SPG11: variants seen among roughly 807,000 people sequenced by gnomAD.
SPG11 encodes the protein spatacsin.
SPG11 carries 222 observed loss-of-function variants against 274.0 expected under a neutral mutation model. That is an observed-to-expected ratio of 0.81 (90% CI 0.73 to 0.91). The LOEUF (loss-of-function observed/expected upper bound fraction) is 0.91, where lower values mean the gene tolerates loss of function less well. Ranked by LOEUF, SPG11 falls within the 40% of genes least tolerant of loss-of-function variation. The pLI, the probability that SPG11 is intolerant of heterozygous loss-of-function variation, is 0.00. For missense variants in SPG11, 3,114 were observed against 2,872.7 expected (o/e 1.08, Z -1.92); for synonymous variants, 1,144 against 1,039.7 (o/e 1.10, Z -1.93).
chr15:44,593,400 G>C (rs1381348772), intron 26 of SPG11, among the ~76,000 whole-genome samples: 2 of 152,064 alleles, frequency 1.3e-5, no homozygotes, highest in Non-Finnish European at 2.9e-5. Flanking sequence ...TGTGTTGCCA[G>C]GCTGGTCTTG....
chr15:44,652,391 G>C, intron 4 of SPG11, 125 bp from the exon 5 acceptor site: 2 of 1,004,276 alleles, frequency 2.0e-6, no homozygotes, highest in Non-Finnish European at 3.0e-6. Flanking sequence ...TCCGCAGAAA[G>C]GAACTCCTTA....
intron 5 of SPG11, 93 bp downstream of exon 5, chr15:44,652,036 T>G (rs2084797401): frequency 6.5e-7 from 1 of 1,527,812 alleles, no homozygotes; most frequent in Non-Finnish European, 8.9e-7. Context: ...AAAAAAAAAG[T>G]ATCTATCAAA....
intron 28 of SPG11, among the ~76,000 whole-genome samples, chr15:44,586,204 C>T (rs1191233149): frequency 1.3e-5 from 2 of 151,146 alleles, no homozygotes; most frequent in African/African-American, 4.9e-5. Context: ...AGGCTGCTCT[C>T]GACCGTGCCC....
chr15:44,568,253 GAA>G (rs1247056676), intron 35 of SPG11, among the ~76,000 whole-genome samples: 6 of 152,154 alleles, frequency 3.9e-5, no homozygotes, highest in East Asian at 1.9e-4. Context: ...TTGTAATCAG[GAA>G]AAAGTTATTA....
Position 44,660,568 on chromosome 15 carries a change from G to T in SPG11, c.306C>A (p.Pro102=). ...SRNSSTPTEK[P]KLLALGENYE... ...AATTTTCACCAAGAGCGAGCAGTTTGGGCTTTTCAGTTGGTGTGCTGCTGT... is the reference window on the plus strand; with the variant it reads ...AATTTTCACCAAGAGCGAGCAGTTTTGGCTTTTCAGTTGGTGTGCTGCTGT... The change falls in exon 2 of 40, where the codon CCC becomes CCA. Residue 102 remains proline (P), a synonymous_variant. Transcript: ENST00000261866. 1 of 1,614,106 alleles carries T rather than the reference G, an allele frequency of 6.2e-7. No homozygotes were observed.
intron 18 of SPG11, 72 bp downstream of exon 18, chr15:44,610,768 T>G (rs2083439344): frequency 6.0e-6 from 8 of 1,338,674 alleles, no homozygotes; most frequent in Non-Finnish European, 7.5e-6. Flanking sequence ...TCAGCTGAGA[T>G]CTAGACAATC....
At chr15:44,609,411 G>A (rs1357267412) in intron 18 of SPG11, among the ~76,000 whole-genome samples, 4 of 151,838 alleles carry the variant, frequency 2.6e-5, no homozygotes, top group African/African-American at 7.3e-5. Flanking sequence ...TTACAGGCAT[G>A]AGCCACCGCA....
chr15:44,573,508 G>A (rs945994063), intron 32 of SPG11, 39 bp downstream of exon 32: 1 of 1,603,892 alleles, frequency 6.2e-7, no homozygotes, highest in African/African-American at 1.3e-5. Context: ...ACTAGAGAAT[G>A]CTGTCAGAGA....
intron 7 of SPG11, among the ~76,000 whole-genome samples, chr15:44,635,333 C>T (rs1433092647): frequency 2.0e-5 from 3 of 151,810 alleles, no homozygotes; most frequent in Non-Finnish European, 4.4e-5. Context: ...CCAGCACTTT[C>T]GGAGGCTGAG....
chr15:44,623,417 A>T (rs1467271220), intron 11 of SPG11, among the ~76,000 whole-genome samples: 1 of 152,158 alleles, frequency 6.6e-6, no homozygotes, highest in Non-Finnish European at 1.5e-5. Context: ...CAATGCAAAC[A>T]ACATCCCTTT....
intron 39 of SPG11, among the ~76,000 whole-genome samples, 159 bp from the exon 40 acceptor site, chr15:44,563,460 T>C (rs2082239080): frequency 6.6e-6 from 1 of 151,932 alleles, no homozygotes; most frequent in Non-Finnish European, 1.5e-5. Flanking sequence ...TGCCTCAGCC[T>C]CCCGAGTAGG....
At chr15:44,577,086 C>T (rs1487623147) in intron 30 of SPG11, among the ~76,000 whole-genome samples, 1 of 152,174 alleles carries the variant, frequency 6.6e-6, no homozygotes, top group Non-Finnish European at 1.5e-5. Flanking sequence ...CCTTGGCCTC[C>T]CAAAGTGCTG....
chr15:44,592,867 C>G (rs1237230305), intron 26 of SPG11, among the ~76,000 whole-genome samples: 1 of 151,812 alleles, frequency 6.6e-6, no homozygotes, highest in Non-Finnish European at 1.5e-5. Context: ...TGGCATGTGC[C>G]TATAGTCCCA....
In SPG11 at chr15:44,601,576, T is replaced by C. The variant is rs945742440; in HGVS notation, c.3521-944A>G. Among the ~76,000 whole-genome samples, 3 of 149,850 alleles carry C rather than the reference T, an allele frequency of 2.0e-5. No individual in the cohort carries two copies. In the South Asian group the frequency reaches 6.4e-4, roughly 32 times the overall value. ...CCTCTTCTTTTTTTTTTTTTTTTTT[T>C]AAATAGAATCTTGCTCGGCTGTCTA... On this transcript the variant is annotated intron_variant, in intron 20 of 39. Transcript: ENST00000261866.
intron 1 of SPG11, among the ~76,000 whole-genome samples, chr15:44,662,297 G>A (rs375448732): frequency 7.2e-6 from 1 of 138,660 alleles, no homozygotes; most frequent in African/African-American, 3.2e-5. Context: ...TAGAGGAGCT[G>A]GAGATTCCAA....
At chr15:44,628,540 T>C in intron 10 of SPG11, 129 bp downstream of exon 10, 1 of 882,900 alleles carries the variant, frequency 1.1e-6, no homozygotes, top group East Asian at 2.5e-5. Flanking sequence ...CCCAAACCGA[T>C]AAAACCTAAA....
intron 11 of SPG11, among the ~76,000 whole-genome samples, chr15:44,625,736 T>C (rs904330053): frequency 3.9e-5 from 6 of 152,188 alleles, no homozygotes; most frequent in African/African-American, 1.4e-4. Context: ...TGGAACGCAG[T>C]GGCACCATCT....
intron 31 of SPG11, 89 bp from the exon 32 acceptor site, chr15:44,573,834 CCACTG>C (rs1227954913): frequency 1.7e-6 from 2 of 1,211,924 alleles, no homozygotes; most frequent in East Asian, 4.8e-5. Flanking sequence ...TGGACAGACT[CCACTG>C]TATTCTGAGC....
rs1197583911 is a variant in SPG11 at position 44,660,559 on chromosome 15, G to A, written c.315C>T (p.Leu105=). The change falls in exon 2 of 40, where the codon CTC becomes CTT. Residue 105 remains leucine, a synonymous_variant. Coordinates refer to ENST00000261866, the MANE Select transcript of SPG11 (RefSeq NM_025137.4). ...GCAGTTCATAATTTTCACCAAGAGC[G>A]AGCAGTTTGGGCTTTTCAGTTGGTG... ...SSTPTEKPKL[L]ALGENYELLI... is the part of the protein sequence containing the mutation. The A allele has an allele frequency of 6.2e-6, 10 of 1,614,086 alleles. No individual in the cohort carries two copies. Among genetic ancestry groups the A allele is most frequent in the South Asian group, 2.2e-5 (2 of 91,078 alleles).
Sources: allele counts gnomAD v4.1 joint callset (sites outside exome capture counted in the v4.1 genomes callset), GRCh38; gene constraint gnomAD v4.1.1; transcripts MANE v1.5; gene names NCBI Gene and HGNC (gene_info 2026-07-23, HGNC 2026-07-21).